SUGCT: variants seen among roughly 807,000 people sequenced by gnomAD.
SUGCT encodes succinyl-CoA:glutarate-CoA transferase.
SUGCT carries 41 observed loss-of-function variants against 55.0 expected under a neutral mutation model. The ratio of observed to expected loss-of-function variants is 0.74; its 90% CI spans 0.58 to 0.97. The LOEUF (loss-of-function observed/expected upper bound fraction) is 0.97. SUGCT is among the 50% of genes least tolerant of loss of function. The probability of loss-of-function intolerance (pLI) is 0.00; values close to 1 mark genes in which losing one functional copy is unlikely to be tolerated. For missense variants in SUGCT, 568 were observed against 547.8 expected (o/e 1.04, Z -0.37); for synonymous variants, 187 against 200.4 (o/e 0.93, Z 0.56).
chr7:40,590,350 A>G (rs1797646195), intron 12 of SUGCT, among the ~76,000 whole-genome samples: 1 of 152,206 alleles, frequency 6.6e-6, no homozygotes, highest in African/African-American at 2.4e-5. Context: ...ATTTTAAATC[A>G]AAAGCTAGAA....
At chr7:41,037,591 G>T in the SUGCT span, among the ~76,000 whole-genome samples, 3 of 151,112 alleles carry the variant, frequency 2.0e-5, no homozygotes, top group African/African-American at 7.3e-5. Flanking sequence ...ACCTGGAAAA[G>T]TTCACTAATT....
At chr7:40,812,443 G>A (rs1033058899) in intron 13 of SUGCT, among the ~76,000 whole-genome samples, 10 of 151,890 alleles carry the variant, frequency 6.6e-5, no homozygotes, top group Admixed American at 5.2e-4. Flanking sequence ...TTCCTGATTC[G>A]ATTTTGGGAG....
rs562241249 is a variant in SUGCT at position 40,480,971 on chromosome 7, A to T, written c.987-15313A>T. Reference sequence around the variant, plus strand: ...CAATGAGCATATACTTCATGTAGACACATAGATATAATATGACCATTAAAC... The same window carrying T: ...CAATGAGCATATACTTCATGTAGACTCATAGATATAATATGACCATTAAAC... On this transcript the variant is annotated intron_variant, in intron 11 of 13. Coordinates refer to ENST00000335693, the MANE Select transcript of SUGCT (RefSeq NM_001193313.2). Among the ~76,000 whole-genome samples the T allele has an allele frequency of 2.6e-5, 4 of 152,330 alleles. No homozygotes were observed. The East Asian group carries it at 7.7e-4, about 29-fold the overall frequency.
the SUGCT span, among the ~76,000 whole-genome samples, chr7:40,932,813 A>T: frequency 2.3e-5 from 3 of 131,376 alleles, no homozygotes; most frequent in Non-Finnish European, 4.7e-5. Flanking sequence ...CTTTATTTTG[A>T]GCCTATGTGT....
intron 7 of SUGCT, among the ~76,000 whole-genome samples, chr7:40,255,858 C>T (rs947515949): frequency 1.3e-5 from 2 of 152,088 alleles, no homozygotes; most frequent in Non-Finnish European, 2.9e-5. Context: ...TTGAAATTCT[C>T]TATTCATTTG....
the SUGCT span, among the ~76,000 whole-genome samples, chr7:40,868,744 A>G: frequency 6.6e-6 from 1 of 152,126 alleles, no homozygotes; most frequent in Non-Finnish European, 1.5e-5. Context: ...TGGGGGTCTC[A>G]CTATGTTGGC....
the SUGCT span, among the ~76,000 whole-genome samples, chr7:40,892,940 G>T: frequency 1.3e-5 from 2 of 152,128 alleles, no homozygotes; most frequent in South Asian, 4.1e-4. Context: ...TTAGCTTTAA[G>T]GAGGCACACA....
At chr7:40,382,544 G>A (rs1784923715) in intron 9 of SUGCT, among the ~76,000 whole-genome samples, 3 of 152,160 alleles carry the variant, frequency 2.0e-5, no homozygotes, top group South Asian at 2.1e-4. Context: ...GAAGTATTTT[G>A]CTTTGTGGTC....
intron 8 of SUGCT, among the ~76,000 whole-genome samples, chr7:40,299,722 ACTT>A (rs1214439110): frequency 2.6e-5 from 4 of 152,136 alleles, no homozygotes; most frequent in Non-Finnish European, 5.9e-5. Context: ...AACTGATAAT[ACTT>A]CTTGGAAATC....
chr7:40,379,007 GC>G (rs1451885274), intron 9 of SUGCT, among the ~76,000 whole-genome samples: 1 of 152,090 alleles, frequency 6.6e-6, no homozygotes, highest in Non-Finnish European at 1.5e-5. Context: ...GATTATCTTG[GC>G]GGGCCCTGAA....
intron 13 of SUGCT, among the ~76,000 whole-genome samples, chr7:40,766,099 A>G (rs1788774144): frequency 6.6e-6 from 1 of 152,236 alleles, no homozygotes; most frequent in Non-Finnish European, 1.5e-5. Flanking sequence ...GAATTCCAAC[A>G]TAATATAGTT....
intron 7 of SUGCT, among the ~76,000 whole-genome samples, chr7:40,247,266 T>C (rs1370129457): frequency 6.6e-6 from 1 of 152,066 alleles, no homozygotes; most frequent in Non-Finnish European, 1.5e-5. Flanking sequence ...GCAAGTCTTT[T>C]TTTGTGTGAG....
intron 8 of SUGCT, among the ~76,000 whole-genome samples, chr7:40,279,417 G>A (rs1195301662): frequency 6.6e-6 from 1 of 152,072 alleles, no homozygotes; most frequent in African/African-American, 2.4e-5. Context: ...TCCAAAGAAT[G>A]GCATGGTTAT....
intron 1 of SUGCT, among the ~76,000 whole-genome samples, chr7:40,167,563 G>A (rs1275184084): frequency 1.3e-5 from 2 of 152,138 alleles, no homozygotes; most frequent in African/African-American, 4.8e-5. Context: ...TTGACCTCAC[G>A]GATTCCAAGG....
chr7:40,266,989 C>T (rs1385762563), intron 7 of SUGCT, among the ~76,000 whole-genome samples: 1 of 149,808 alleles, frequency 6.7e-6, no homozygotes, highest in Non-Finnish European at 1.5e-5. Flanking sequence ...GCACTGCAGC[C>T]TGGGAGACAG....
the SUGCT span, among the ~76,000 whole-genome samples, chr7:40,968,568 T>C: frequency 6.6e-6 from 1 of 152,196 alleles, no homozygotes; most frequent in Non-Finnish European, 1.5e-5. Context: ...ACCTCCAAGG[T>C]GAGGTTCAGC....
chr7:40,550,709 T>A (rs1211320301), intron 12 of SUGCT, among the ~76,000 whole-genome samples: 4 of 152,244 alleles, frequency 2.6e-5, no homozygotes, highest in Admixed American at 2.6e-4. Flanking sequence ...CTTCCCTTTG[T>A]CCACCAGTTT....
chr7:40,367,047 A>G (rs975984524), intron 9 of SUGCT, among the ~76,000 whole-genome samples: 7 of 152,276 alleles, frequency 4.6e-5, no homozygotes, highest in African/African-American at 1.7e-4. Flanking sequence ...TGGTTTAAGA[A>G]AATGTGGCAC....
chr7:40,851,814 ATTAT>A (rs764397624), intron 13 of SUGCT, among the ~76,000 whole-genome samples: 4 of 152,236 alleles, frequency 2.6e-5, no homozygotes, highest in Non-Finnish European at 5.9e-5. Flanking sequence ...TTTAGAGATA[ATTAT>A]TTATTTATTT....
Sources: gnomAD v4.1 joint callset for allele counts (sites outside exome capture counted in the v4.1 genomes callset) on GRCh38, gnomAD v4.1.1 for gene constraint, MANE v1.5 for transcripts, NCBI Gene and HGNC (gene_info 2026-07-23, HGNC 2026-07-21) for gene names.